The following TDG variants were observed in gnomAD, a reference collection of about 807,000 sequenced individuals.
TDG encodes thymine DNA glycosylase.
Under a neutral mutation model 46.1 loss-of-function variants are expected in TDG, and 23 were observed. The observed-to-expected ratio is 0.50, with a 90% CI of 0.36 to 0.71. TDG has a LOEUF of 0.71. Among genes scored for constraint, TDG ranks in the 30% least tolerant of loss-of-function variants. TDG has a pLI of 0.00. For missense variants in TDG, 304 were observed against 486.7 expected, an observed-to-expected ratio of 0.62 and a Z score of 3.53; for synonymous variants, 115 against 161.3, an observed-to-expected ratio of 0.71 and a Z score of 2.18.
intron 1 of TDG, among the ~76,000 whole-genome samples, chr12:103,972,701 C>T (rs1168611875): frequency 1.3e-5 from 2 of 152,094 alleles, no homozygotes; most frequent in Non-Finnish European, 2.9e-5. Context: ...AGGGATATTT[C>T]ATTATTATAG....
chr12:103,967,279 T>C (rs1257930718), intron 1 of TDG, among the ~76,000 whole-genome samples: 1 of 152,140 alleles, frequency 6.6e-6, no homozygotes, highest in Non-Finnish European at 1.5e-5. Flanking sequence ...TCCAAAAGGC[T>C]ATAGACCAGA....
chr12:103,987,908 G>A lies in TDG; in HGVS notation c.*818G>A, dbSNP rs1274441311. 2.6e-5 allele frequency: 4 copies of A among 152,582 alleles called. No homozygotes were observed. The highest frequency in any genetic ancestry group is 2.0e-4 in the Admixed American group (3 of 15,278). The allele number at this position is 152,582 out of a possible 1,614,324, so 9.5% of individuals were successfully genotyped here. Reference sequence around the variant, plus strand: ...AAGAGTGTGCCATGGAAAGTGATAAGAAATGAACTTCTAGGCTAAGCAAAA... The same window carrying A: ...AAGAGTGTGCCATGGAAAGTGATAAAAAATGAACTTCTAGGCTAAGCAAAA... On this transcript the variant is annotated 3_prime_UTR_variant, in exon 10 of 10. Coordinates refer to ENST00000392872, the MANE Select transcript of TDG (RefSeq NM_003211.6).
rs1216118317 is a variant in TDG at position 103,982,887 on chromosome 12, T to C, written c.567T>C (p.Phe189=). 1.2e-6 allele frequency: 2 copies of C among 1,614,094 alleles called. No individual in the cohort carries two copies. ...HTLPGKYGIG[F]TNMVERTTPG... is the part of the protein sequence containing the mutation. Reference sequence around the variant, plus strand: ...TACCAGGGAAGTATGGTATTGGATTTACCAACATGGTGGAAAGGACCACGC... The same window carrying C: ...TACCAGGGAAGTATGGTATTGGATTCACCAACATGGTGGAAAGGACCACGC... The change falls in exon 5 of 10, where the codon TTT becomes TTC. Residue 189 remains phenylalanine, a synonymous_variant. Transcript: ENST00000392872.
chr12:103,978,920 G>T, intron 2 of TDG, among the ~76,000 whole-genome samples: 1 of 152,014 alleles, frequency 6.6e-6, no homozygotes, highest in East Asian at 1.9e-4. Flanking sequence ...AATGTCAATA[G>T]TGTGGAGGCT....
chr12:103,985,595 C>G lies in TDG; in HGVS notation c.965-8C>G. The G allele has an allele frequency of 3.3e-6, 3 of 899,554 alleles. No homozygotes were observed. Among genetic ancestry groups the G allele is most frequent in the Non-Finnish European group, 2.7e-6 (2 of 747,002 alleles). 55.7% of individuals were successfully genotyped at this position (899,554 alleles called of 1,614,324 possible). A position where few individuals can be genotyped will look rare whatever the true frequency, so the allele number is the denominator to read the frequency against. ...ATCAGATTTAAATCCTTTTTACCTT[C>G]CTCACAGAGGATGCAAAGAAGATGG... On this transcript the variant is annotated splice_polypyrimidine_tract_variant and splice_region_variant and intron_variant, in intron 8 of 9. Coordinates refer to ENST00000392872, the MANE Select transcript of TDG (RefSeq NM_003211.6).
Position 103,983,213 on chromosome 12 carries a change from G to GA in TDG, c.696dup (p.Cys233MetfsTer4). On this transcript the variant is annotated frameshift_variant, in exon 6 of 10. Transcript: ENST00000392872. LOFTEE classifies it high-confidence loss of function. ...CAGCCACGAATAGCAGTGTTTAATG[G>GA]AAAATGTAAGATTTACTTTTAAATT... 3 of 1,596,118 alleles carry GA rather than the reference G, an allele frequency of 1.9e-6. No homozygotes were observed. The highest frequency in any genetic ancestry group is 2.6e-6 in the Non-Finnish European group (3 of 1,174,134).
chr12:103,983,559 A>AT (rs1293515577), intron 7 of TDG, among the ~76,000 whole-genome samples, 170 bp downstream of exon 7: 1 of 152,256 alleles, frequency 6.6e-6, no homozygotes, highest in Non-Finnish European at 1.5e-5. Context: ...ATTAATTCAA[A>AT]TACTATTAGG....
At position 103,985,584 on chromosome 12, in the gene TDG, C is replaced by A; in HGVS notation, c.965-19C>A. On this transcript the variant is annotated intron_variant, in intron 8 of 9. Coordinates refer to ENST00000392872, the MANE Select transcript of TDG (RefSeq NM_003211.6). ...TGTTGTACAAAATCAGATTTAAATC[C>A]TTTTTACCTTCCTCACAGAGGATGC... 1 of 1,259,492 alleles carries A rather than the reference C, an allele frequency of 7.9e-7. No homozygotes were observed. Among genetic ancestry groups the A allele is most frequent in the Non-Finnish European group, 1.0e-6 (1 of 994,188 alleles). 78.0% of individuals were successfully genotyped at this position (1,259,492 alleles called of 1,614,324 possible).
In TDG at chr12:103,982,142, C is replaced by T. The variant is rs533526502; in HGVS notation, c.479-657C>T. Among the ~76,000 whole-genome samples, 53 of 152,296 alleles carry T rather than the reference C, an allele frequency of 3.5e-4. 1 individual carries two copies. The East Asian group carries it at 9.3e-3, about 27-fold the overall frequency. ...CTAATAGATCAGTGTATGCAGTATA[C>T]GCTCAGGAAATTGATTATCTAATAG... On this transcript the variant is annotated intron_variant, in intron 4 of 9. Transcript: ENST00000392872.
intron 1 of TDG, among the ~76,000 whole-genome samples, chr12:103,975,152 A>G (rs1871474010): frequency 6.6e-6 from 1 of 152,062 alleles, no homozygotes; most frequent in Non-Finnish European, 1.5e-5. Flanking sequence ...CTCTGGTTTT[A>G]TGCTAACAGC....
intron 4 of TDG, among the ~76,000 whole-genome samples, chr12:103,981,409 A>G (rs972219538): frequency 6.6e-6 from 1 of 151,332 alleles, no homozygotes; most frequent in Non-Finnish European, 1.5e-5. Context: ...TTAATTTTGT[A>G]TTTTTAGTAG....
intron 2 of TDG, among the ~76,000 whole-genome samples, chr12:103,978,807 T>C (rs952795343): frequency 6.6e-6 from 1 of 152,226 alleles, no homozygotes; most frequent in Non-Finnish European, 1.5e-5. Flanking sequence ...TGATCAAGAC[T>C]GGCAGGTTAC....
At chr12:103,972,005 A>G (rs1039747060) in intron 1 of TDG, among the ~76,000 whole-genome samples, 2 of 152,342 alleles carry the variant, frequency 1.3e-5, no homozygotes, top group East Asian at 3.9e-4. Context: ...TAAAGTAGCA[A>G]CGATCATTAT....
At chr12:103,986,917 A>G (rs771960045) in intron 9 of TDG, 31 bp from the exon 10 acceptor site, 20 of 1,434,728 alleles carry the variant, frequency 1.4e-5, no homozygotes, top group Admixed American at 2.0e-5. Flanking sequence ...TCTAAATGGC[A>G]TAAACTAACT....
chr12:103,977,096 C>G (rs755173960), intron 2 of TDG, 36 bp downstream of exon 2: 10 of 1,576,380 alleles, frequency 6.3e-6, no homozygotes, highest in Non-Finnish European at 8.6e-6. Context: ...AGTTCAACAT[C>G]GGATCAGCCA....
chr12:103,972,533 G>T (rs994560113), intron 1 of TDG, among the ~76,000 whole-genome samples: 1 of 152,172 alleles, frequency 6.6e-6, no homozygotes, highest in African/African-American at 2.4e-5. Context: ...TTTTATTCTG[G>T]CTTTTAGGCA....
At chr12:103,985,571 T>A in intron 8 of TDG, 32 bp from the exon 9 acceptor site, 2 of 1,557,508 alleles carry the variant, frequency 1.3e-6, no homozygotes. Context: ...TTGTACAAAA[T>A]CAGATTTAAA....
At chr12:103,978,596 C>G (rs898043761) in intron 2 of TDG, among the ~76,000 whole-genome samples, 1 of 152,152 alleles carries the variant, frequency 6.6e-6, no homozygotes, top group African/African-American at 2.4e-5. Flanking sequence ...GACTGACTGC[C>G]TGTATCCTGC....
chr12:103,981,026 C>T, intron 4 of TDG, 64 bp downstream of exon 4: 1 of 1,408,306 alleles, frequency 7.1e-7, no homozygotes, highest in Non-Finnish European at 9.9e-7. Flanking sequence ...CAGGTTTTTT[C>T]AGAAAAACCA....
Sources: gnomAD v4.1 joint callset for allele counts (sites outside exome capture counted in the v4.1 genomes callset) on GRCh38, gnomAD v4.1.1 for gene constraint, MANE v1.5 for transcripts, NCBI Gene and HGNC (gene_info 2026-07-23, HGNC 2026-07-21) for gene names.